AMBRA1: variants seen among roughly 807,000 people sequenced by gnomAD.
AMBRA1 encodes the protein autophagy and beclin 1 regulator 1, also known as activating molecule in BECN1-regulated autophagy protein 1.
A neutral mutation model predicts 125.4 loss-of-function variants in AMBRA1; 47 were observed. That is an observed-to-expected ratio of 0.37 (90% CI 0.30 to 0.48). The LOEUF is 0.48. AMBRA1 is among the 20% of genes least tolerant of loss of function. AMBRA1 has a pLI of 0.99. For synonymous variants in AMBRA1, 626 were observed against 655.5 expected (o/e 0.95, Z 0.69); for missense variants, 1,331 against 1,693.4 (o/e 0.79, Z 3.76).
chr11:46,436,546 CCCACCA>C (rs1947727379), intron 12 of AMBRA1, among the ~76,000 whole-genome samples: 1 of 152,236 alleles, frequency 6.6e-6, no homozygotes, highest in Non-Finnish European at 1.5e-5. Context: ...CAACTCCCAA[CCCACCA>C]TCTGGTCTAG....
intron 14 of AMBRA1, chr11:46,428,757 C>A: frequency 6.2e-7 from 1 of 1,610,698 alleles, no homozygotes; most frequent in Non-Finnish European, 8.5e-7. Context: ...CCAGGTGGCA[C>A]AGCACTCCGT....
At chr11:46,426,527 T>C (rs1947146480) in intron 14 of AMBRA1, among the ~76,000 whole-genome samples, 1 of 152,138 alleles carries the variant, frequency 6.6e-6, no homozygotes, top group African/African-American at 2.4e-5. Context: ...ACTGTCAGAG[T>C]TGGTGAATCT....
chr11:46,541,935 G>T lies in AMBRA1; in HGVS notation c.2072+10C>A. The T allele has an allele frequency of 6.3e-7, 1 of 1,599,508 alleles. No homozygotes were observed. The highest frequency in any genetic ancestry group is 1.1e-5 in the South Asian group (1 of 88,110). ...CAAGGGATGCAGAAGATAGGAAAGCGACTGCTTACCTCCTGAGTGAATCCT... is the reference window on the plus strand; with the variant it reads ...CAAGGGATGCAGAAGATAGGAAAGCTACTGCTTACCTCCTGAGTGAATCCT... On this transcript the variant is annotated intron_variant, in intron 7 of 17. Transcript: ENST00000683756.
chr11:46,530,869 C>T (rs1456875029), intron 7 of AMBRA1, among the ~76,000 whole-genome samples: 1 of 152,118 alleles, frequency 6.6e-6, no homozygotes, highest in African/African-American at 2.4e-5. Flanking sequence ...GGAACACAGC[C>T]ACACTCTCAT....
chr11:46,433,696 C>T, intron 13 of AMBRA1, 68 bp from the exon 14 acceptor site: 1 of 1,505,786 alleles, frequency 6.6e-7, no homozygotes, highest in South Asian at 1.2e-5. Context: ...AACTTTCACT[C>T]TTACTCTTGT....
chr11:46,505,081 C>T (rs1194839444), intron 9 of AMBRA1, among the ~76,000 whole-genome samples: 2 of 152,100 alleles, frequency 1.3e-5, no homozygotes, highest in Non-Finnish European at 2.9e-5. Context: ...GTGAGGATAC[C>T]AAACAAAGGA....
chr11:46,587,371 C>T (rs1304357845), intron 1 of AMBRA1, among the ~76,000 whole-genome samples: 1 of 151,928 alleles, frequency 6.6e-6, no homozygotes, highest in Non-Finnish European at 1.5e-5. Context: ...CAGAGTGAGA[C>T]CCTGCCACAA....
At chr11:46,589,576 C>T (rs2044518049) in intron 1 of AMBRA1, among the ~76,000 whole-genome samples, 1 of 152,172 alleles carries the variant, frequency 6.6e-6, no homozygotes, top group Non-Finnish European at 1.5e-5. Context: ...AACATTTTCT[C>T]TTATTCCTTT....
At chr11:46,423,757 A>ATTT (rs538298573) in intron 14 of AMBRA1, among the ~76,000 whole-genome samples, 74 of 98,860 alleles carry the variant, frequency 7.5e-4, no homozygotes, top group South Asian at 3.4e-3. Context: ...CAGTGCACCC[A>ATTT]TTTTTTTTTT....
rs373590747 is a variant in AMBRA1, at chr11:46,542,490, C to G, written c.1527G>C (p.Glu509Asp). 1 of 1,613,802 alleles carries G rather than the reference C, an allele frequency of 6.2e-7. No homozygotes were observed. The highest frequency in any genetic ancestry group is 1.3e-5 in the African/African-American group (1 of 75,042). ...GATCCAGCTCCTGAAGCCGGTCATA[C>G]TCCAGAAAGAAGCGTCTCAGGTCAC... The part of the protein sequence containing the change: ...LQCDLRRFFL[E>D]YDRLQELDQS... The change falls in exon 7 of 18, where the codon GAG (glutamate) becomes GAC (aspartate). Residue 509 changes from glutamate to aspartate, a missense_variant. This residue lies in a region of AMBRA1 where 689 missense variants were observed against 776.5 expected (regional missense o/e 0.89). Coordinates refer to ENST00000683756, the MANE Select transcript of AMBRA1 (RefSeq NM_001387011.1). This position sits in a 1 kb window ranked among gnomAD's most constrained non-coding sequence, Gnocchi z 5.9.
At chr11:46,471,881 C>T (rs1270668096) in intron 11 of AMBRA1, among the ~76,000 whole-genome samples, 1 of 152,074 alleles carries the variant, frequency 6.6e-6, no homozygotes, top group Admixed American at 6.5e-5. Context: ...CCACCTCGGC[C>T]TCCCAAAGTG....
chr11:46,506,539 T>TCA (rs1951041049), intron 9 of AMBRA1, among the ~76,000 whole-genome samples: 3 of 152,104 alleles, frequency 2.0e-5, no homozygotes, highest in Admixed American at 2.0e-4. Context: ...AACTAGCCAT[T>TCA]CAGTTAAGGA....
Position 46,542,820 on chromosome 11 carries a change from C to CA in AMBRA1, c.1196dup (p.Ser400ValfsTer2). On this transcript the variant is annotated frameshift_variant, in exon 7 of 18. Coordinates refer to ENST00000683756, the MANE Select transcript of AMBRA1 (RefSeq NM_001387011.1). LOFTEE classifies it high-confidence loss of function. The surrounding 1 kb of genome is among the most constrained non-coding windows in gnomAD (Gnocchi z 5.9). ...GGTGATACCTAGAAGGGTGGCTAGACAGAGGCCCTCCCAAAGAGCGGCGGG... is the reference window on the plus strand; with the variant it reads ...GGTGATACCTAGAAGGGTGGCTAGACAAGAGGCCCTCCCAAAGAGCGGCGGG... The CA allele has an allele frequency of 6.2e-7, 1 of 1,614,096 alleles. No individual in the cohort carries two copies. Among genetic ancestry groups the CA allele is most frequent in the Non-Finnish European group, 8.5e-7 (1 of 1,180,016 alleles).
rs567050032 is a variant in AMBRA1, at chr11:46,448,146, A to G, written c.2522-4548T>C. Among the ~76,000 whole-genome samples, 8 of 152,352 alleles carry G rather than the reference A, an allele frequency of 5.3e-5. No homozygotes were observed. The South Asian group carries it at 1.7e-3, about 32-fold the overall frequency. ...GATTAAAATAAACTGTCTAGGCCCT[A>G]TACTATTTGGCAACTTTCTCCTTGA... On this transcript the variant is annotated intron_variant, in intron 11 of 17. Coordinates refer to ENST00000683756, the MANE Select transcript of AMBRA1 (RefSeq NM_001387011.1).
chr11:46,423,761 T>TA (rs1946975616), intron 14 of AMBRA1, among the ~76,000 whole-genome samples: 1 of 144,658 alleles, frequency 6.9e-6, no homozygotes, highest in South Asian at 2.3e-4. Context: ...GCACCCATTT[T>TA]TTTTTTTTTT....
intron 11 of AMBRA1, among the ~76,000 whole-genome samples, chr11:46,459,972 CCT>C (rs1445361049): frequency 1.3e-5 from 2 of 152,032 alleles, no homozygotes; most frequent in Admixed American, 6.6e-5. Flanking sequence ...AGAATAATAC[CCT>C]GAGATGCCTT....
intron 7 of AMBRA1, among the ~76,000 whole-genome samples, chr11:46,526,189 A>G (rs2135112571): frequency 1.3e-5 from 2 of 152,276 alleles, no homozygotes; most frequent in Middle Eastern, 6.8e-3. Flanking sequence ...CTGGGCAACA[A>G]GAGCGAAACA....
intron 14 of AMBRA1, chr11:46,428,669 C>A: frequency 1.3e-6 from 2 of 1,599,174 alleles, no homozygotes; most frequent in Non-Finnish European, 8.5e-7. Context: ...AGGTGGCTGA[C>A]CACGTCCACG....
intron 12 of AMBRA1, among the ~76,000 whole-genome samples, chr11:46,439,885 A>G (rs900005235): frequency 3.3e-5 from 5 of 152,214 alleles, no homozygotes; most frequent in Admixed American, 3.3e-4. Flanking sequence ...GTAACACAAA[A>G]AATACAAATT....
Sources: allele counts gnomAD v4.1 joint callset (sites outside exome capture counted in the v4.1 genomes callset), GRCh38; gene constraint gnomAD v4.1.1; regional missense constraint gnomAD v4.1.1; non-coding constraint Gnocchi (gnomAD v3.1); transcripts MANE v1.5; gene names NCBI Gene and HGNC (gene_info 2026-07-23, HGNC 2026-07-21).